Variants in VARS1 observed in about 807,000 individuals in gnomAD.
VARS1 encodes the protein valine--tRNA ligase.
A neutral mutation model predicts 161.0 loss-of-function variants in VARS1; 92 were observed. The ratio of observed to expected loss-of-function variants is 0.57; its 90% CI spans 0.48 to 0.68. VARS1 has a LOEUF of 0.68. VARS1 is among the 30% of genes least tolerant of loss of function. The pLI is 0.00. For missense variants in VARS1, 1,338 were observed against 1,695.9 expected, an observed-to-expected ratio of 0.79 and a Z score of 3.71; for synonymous variants, 595 against 682.5, an observed-to-expected ratio of 0.87 and a Z score of 2.00.
Position 31,782,981 on chromosome 6 carries a change from C to T in VARS1, c.1762+115G>A. 2 of 1,527,394 alleles carry T rather than the reference C, an allele frequency of 1.3e-6. No homozygotes were observed. The highest frequency in any genetic ancestry group is 2.5e-5 in the South Asian group (2 of 80,324). 94.6% of individuals were successfully genotyped at this position (1,527,394 alleles called of 1,614,324 possible). ...GTCTAATACAGTCCCTTGAGAACCA[C>T]CCCAAGCTCTGTCTATTTGGCTGAA... On this transcript the variant is annotated intron_variant, in intron 14 of 29. Coordinates refer to ENST00000375663, the MANE Select transcript of VARS1 (RefSeq NM_006295.3). This position sits in a 1 kb window ranked among gnomAD's most constrained non-coding sequence, Gnocchi z 8.3.
chr6:31,794,265 A>G (rs1458710132), intron 2 of VARS1, among the ~76,000 whole-genome samples: 1 of 152,150 alleles, frequency 6.6e-6, no homozygotes, highest in Non-Finnish European at 1.5e-5. Context: ...GGTCTGCCAC[A>G]TTCATTCATC....
intron 8 of VARS1, among the ~76,000 whole-genome samples, chr6:31,786,108 A>G (rs1581647873): frequency 6.6e-6 from 1 of 152,256 alleles, no homozygotes. Context: ...TAAAAATACA[A>G]AATTAGCTGG....
At position 31,782,540 on chromosome 6, in the gene VARS1, G is replaced by T. The variant is rs1401228799; in HGVS notation, c.1981C>A (p.Pro661Thr). 3 of 1,613,028 alleles carry T rather than the reference G, an allele frequency of 1.9e-6. No homozygotes were observed. The change falls in exon 16 of 30, where the codon CCA (proline) becomes ACA (threonine). Residue 661 changes from proline to threonine, a missense_variant. Transcript: ENST00000375663. The surrounding 1 kb of genome is among the most constrained non-coding windows in gnomAD (Gnocchi z 8.3). ...RGIEDNPMVV[P>T]LCNRSKDVVE... ...GGCCCCCACCCTCACTTGCAAAGTG[G>T]CACCACCATGGGGTTGTCCTCAATG...
At chr6:31,788,642 T>A (rs952962650) in intron 8 of VARS1, among the ~76,000 whole-genome samples, 18 of 144,352 alleles carry the variant, frequency 1.2e-4, no homozygotes, top group Admixed American at 4.1e-4. Context: ...CTGTCTCTAC[T>A]AAAAAAAATA....
At position 31,777,684 on chromosome 6, in the gene VARS1, G is replaced by C; in HGVS notation, c.3727-22C>G. The C allele has an allele frequency of 6.2e-7, 1 of 1,610,372 alleles. No homozygotes were observed. The highest frequency in any genetic ancestry group is 8.5e-7 in the Non-Finnish European group (1 of 1,178,384). On this transcript the variant is annotated intron_variant, in intron 29 of 29. Coordinates refer to ENST00000375663, the MANE Select transcript of VARS1 (RefSeq NM_006295.3). The surrounding 1 kb of genome is among the most constrained non-coding windows in gnomAD (Gnocchi z 5.8). ...GGAGCTGGAGTGGAACCAGGGGGTG[G>C]GTGAGGACCCAGGTCCAAGTGAAGA... is the stretch of plus-strand genomic sequence containing the variant.
rs759033237 is a variant in VARS1, at chr6:31,781,840, G to A, written c.2347+7C>T. On this transcript the variant is annotated splice_region_variant and intron_variant, in intron 19 of 29. Transcript: ENST00000375663. The surrounding 1 kb of genome is among the most constrained non-coding windows in gnomAD (Gnocchi z 6.8). ...ACTCCCTCCAGACCCTCAAAGCCCC[G>A]CCTTGCCTTGCTGGAGACTGATCTT... The A allele has an allele frequency of 1.1e-5, 17 of 1,612,910 alleles. No homozygotes were observed. The highest frequency in any genetic ancestry group is 4.0e-5 in the African/African-American group (3 of 74,936).
rs1360432986 is a variant in VARS1 at position 31,781,125 on chromosome 6, T to C, written c.2545-2A>G. 28 of 1,612,704 alleles carry C rather than the reference T, an allele frequency of 1.7e-5. No homozygotes were observed. Among genetic ancestry groups the C allele is most frequent in the Non-Finnish European group, 2.4e-5 (28 of 1,180,008 alleles). On this transcript the variant is annotated splice_acceptor_variant, in intron 21 of 29. Coordinates refer to ENST00000375663, the MANE Select transcript of VARS1 (RefSeq NM_006295.3). LOFTEE classifies it high-confidence loss of function. The surrounding 1 kb of genome is among the most constrained non-coding windows in gnomAD (Gnocchi z 6.8). ...TCGCACGATGGCATGGAGGTAGACC[T>C]GCAGAGCAGGTGGGGAGGCCCATGA...
In VARS1 at chr6:31,782,974, A is replaced by G; in HGVS notation, c.1762+122T>C. On this transcript the variant is annotated intron_variant, in intron 14 of 29. Coordinates refer to ENST00000375663, the MANE Select transcript of VARS1 (RefSeq NM_006295.3). This position sits in a 1 kb window ranked among gnomAD's most constrained non-coding sequence, Gnocchi z 8.3. Reference sequence around the variant, plus strand: ...CCCACTTGTCTAATACAGTCCCTTGAGAACCACCCCAAGCTCTGTCTATTT... The same window carrying G: ...CCCACTTGTCTAATACAGTCCCTTGGGAACCACCCCAAGCTCTGTCTATTT... The G allele has an allele frequency of 6.6e-7, 1 of 1,521,274 alleles. No homozygotes were observed. The highest frequency in any genetic ancestry group is 2.1e-5 in the Admixed American group (1 of 47,858). 94.2% of individuals were successfully genotyped at this position (1,521,274 alleles called of 1,614,324 possible).
rs780541929 is a variant in VARS1 at position 31,782,734 on chromosome 6, G to A, written c.1874C>T (p.Pro625Leu). ...MDSRGALINV[P>L]PPFLGLPRFE... is the part of the protein sequence containing the mutation. ...AGGCAGCCTCACCAGGAAAGGCGGA[G>A]GCACATTGATGAGGGCCCCCCGGGA... Residue 625 changes from proline (P) to leucine (L), a missense_variant, in exon 15 of 30, where the codon CCT becomes CTT. Transcript: ENST00000375663. This position sits in a 1 kb window ranked among gnomAD's most constrained non-coding sequence, Gnocchi z 8.3. 10 of 1,612,950 alleles carry A rather than the reference G, an allele frequency of 6.2e-6. No individual in the cohort carries two copies. The highest frequency in any genetic ancestry group is 2.2e-5 in the East Asian group (1 of 44,906).
chr6:31,793,807 A>G (rs906104277), intron 2 of VARS1, among the ~76,000 whole-genome samples: 6 of 151,650 alleles, frequency 4.0e-5, no homozygotes, highest in Non-Finnish European at 5.9e-5. Context: ...ATAAAGCAGA[A>G]TGAGGGGAAC....
In VARS1 at chr6:31,778,432, C is replaced by T. The variant is rs779811216; in HGVS notation, c.3726+535G>A. ...CCTTCTATGGTCCCTGCTCAAAGCG[C>T]CTGGGCTCCATGCTCCCCAGTGGAT... On this transcript the variant is annotated intron_variant, in intron 29 of 29. Coordinates refer to ENST00000375663, the MANE Select transcript of VARS1 (RefSeq NM_006295.3). This position sits in a 1 kb window ranked among gnomAD's most constrained non-coding sequence, Gnocchi z 5.1. Among the ~76,000 whole-genome samples, 1 of 152,224 alleles carries T rather than the reference C, an allele frequency of 6.6e-6. No individual in the cohort carries two copies. The highest frequency in any genetic ancestry group is 6.5e-5 in the Admixed American group (1 of 15,284).
chr6:31,794,133 G>C (rs1428664992), intron 2 of VARS1, among the ~76,000 whole-genome samples: 1 of 151,474 alleles, frequency 6.6e-6, no homozygotes. Flanking sequence ...AAATAAAAGA[G>C]GGGAACAAAC....
chr6:31,780,467 C>T lies in VARS1; in HGVS notation c.2899G>A (p.Gly967Ser). The change falls in exon 25 of 30, where the codon GGT becomes AGT. Residue 967 changes from glycine to serine, a missense_variant. Coordinates refer to ENST00000375663, the MANE Select transcript of VARS1 (RefSeq NM_006295.3). The surrounding 1 kb of genome is among the most constrained non-coding windows in gnomAD (Gnocchi z 5.1). Reference protein sequence around the residue: ...TKFALRGLGKGFVPSPTSQPG... With the variant: ...TKFALRGLGKSFVPSPTSQPG... ...TGGGAGGTGGGTGAGGGCACAAAACCCTTCCCAAGGCCACGAAGGGCAAAC... is the reference window on the plus strand; with the variant it reads ...TGGGAGGTGGGTGAGGGCACAAAACTCTTCCCAAGGCCACGAAGGGCAAAC... The T allele has an allele frequency of 6.2e-7, 1 of 1,613,886 alleles. No individual in the cohort carries two copies.
chr6:31,795,275 A>T lies in VARS1; in HGVS notation c.-33-25T>A, dbSNP rs1814203831. On this transcript the variant is annotated intron_variant, in intron 1 of 29. Coordinates refer to ENST00000375663, the MANE Select transcript of VARS1 (RefSeq NM_006295.3). The surrounding 1 kb of genome is among the most constrained non-coding windows in gnomAD (Gnocchi z 6.9). ...CCTAAGGAGAAAGAGAGACAGGGGA[A>T]GACTGCGGGATCGAGGTGGGTCCTA... is the stretch of plus-strand genomic sequence containing the variant. The T allele has an allele frequency of 7.3e-7, 1 of 1,361,396 alleles. No homozygotes were observed. The highest frequency in any genetic ancestry group is 2.2e-5 in the South Asian group (1 of 44,914). The allele number at this position is 1,361,396 out of a possible 1,614,324, so 84.3% of individuals were successfully genotyped here.
rs1410720407 is a variant in VARS1 at position 31,780,612 on chromosome 6, G to T, written c.2798-44C>A. 1 of 1,611,132 alleles carries T rather than the reference G, an allele frequency of 6.2e-7. No individual in the cohort carries two copies. Among genetic ancestry groups the T allele is most frequent in the Admixed American group, 1.7e-5 (1 of 59,928 alleles). ...GTGAGTCCTCATCACCCTCTTCCCA[G>T]CCCATGCCCACCAGAGGCTCAGGGT... is the stretch of plus-strand genomic sequence containing the variant. On this transcript the variant is annotated intron_variant, in intron 24 of 29. Coordinates refer to ENST00000375663, the MANE Select transcript of VARS1 (RefSeq NM_006295.3). This position sits in a 1 kb window ranked among gnomAD's most constrained non-coding sequence, Gnocchi z 5.1.
At chr6:31,792,076 C>A in intron 6 of VARS1, 105 bp from the exon 7 acceptor site, 1 of 1,458,866 alleles carries the variant, frequency 6.9e-7, no homozygotes, top group South Asian at 1.3e-5. Flanking sequence ...CATCATAGGA[C>A]AGGCATTTGA....
At chr6:31,783,339 T>G in intron 13 of VARS1, 153 bp from the exon 14 acceptor site, 2 of 697,962 alleles carry the variant, frequency 2.9e-6, no homozygotes, top group Non-Finnish European at 4.7e-6. Context: ...ACCTAGTCTC[T>G]ACTAAAAATA....
In VARS1 at chr6:31,781,562, G is replaced by C. The variant is rs751375143; in HGVS notation, c.2463C>G (p.Thr821=). The C allele has an allele frequency of 1.2e-6, 2 of 1,612,868 alleles. No individual in the cohort carries two copies. Among genetic ancestry groups the C allele is most frequent in the African/African-American group, 2.7e-5 (2 of 74,898 alleles). The change falls in exon 21 of 30, where the codon ACC becomes ACG. Residue 821 remains threonine, a synonymous_variant. Transcript: ENST00000375663. The surrounding 1 kb of genome is among the most constrained non-coding windows in gnomAD (Gnocchi z 6.8). ...SVFYPGTLLE[T]GHDILFFWVA... ...CCCAGAAGAAGAGGATGTCATGACC[G>C]GTCTCCAGCAGTGTCCCGGGGTAGA...
At chr6:31,783,776 C>T (rs1813313485) in intron 13 of VARS1, among the ~76,000 whole-genome samples, 1 of 151,566 alleles carries the variant, frequency 6.6e-6, no homozygotes. Context: ...ATTCTCCTGC[C>T]TCAGCCTCCT....
Sources: allele counts gnomAD v4.1 joint callset (sites outside exome capture counted in the v4.1 genomes callset), GRCh38; gene constraint gnomAD v4.1.1; non-coding constraint Gnocchi (gnomAD v3.1); transcripts MANE v1.5; gene names NCBI Gene and HGNC (gene_info 2026-07-23, HGNC 2026-07-21).